The following KALRN variants were observed in gnomAD, a reference collection of about 807,000 sequenced individuals.
KALRN encodes kalirin RhoGEF kinase.
A neutral mutation model predicts 353.7 loss-of-function variants in KALRN; 70 were observed. The ratio of observed to expected loss-of-function variants is 0.20; its 90% CI spans 0.16 to 0.24. KALRN has a LOEUF of 0.24. KALRN is among the 10% of genes least tolerant of loss of function. KALRN has a pLI of 1.00. For synonymous variants in KALRN, 1,391 were observed against 1,434.8 expected, an observed-to-expected ratio of 0.97 and a Z score of 0.69; for missense variants, 2,791 against 3,756.7, an observed-to-expected ratio of 0.74 and a Z score of 6.72.
intron 33 of KALRN, chr3:124,518,886 A>G (rs1238530556): frequency 6.9e-6 from 7 of 1,020,458 alleles, no homozygotes; most frequent in Non-Finnish European, 8.2e-6. Context: ...TCCAGGCTGA[A>G]CATTTCTATT....
chr3:124,584,866 G>T (rs1302281946), intron 34 of KALRN: 1 of 1,607,462 alleles, frequency 6.2e-7, no homozygotes, highest in Non-Finnish European at 8.5e-7. Flanking sequence ...CCTCTTTGGG[G>T]TGGCTCTTTG....
intron 34 of KALRN, among the ~76,000 whole-genome samples, chr3:124,574,796 C>T (rs980279218): frequency 6.6e-6 from 1 of 152,172 alleles, no homozygotes; most frequent in Non-Finnish European, 1.5e-5. Context: ...ATGGTCTGGA[C>T]AATCTTGGGA....
intron 3 of KALRN, among the ~76,000 whole-genome samples, chr3:124,249,349 T>C (rs1167236261): frequency 6.6e-6 from 1 of 152,158 alleles, no homozygotes; most frequent in African/African-American, 2.4e-5. Context: ...GTCAGTTAAA[T>C]GGACGTAATC....
chr3:124,183,974 AC>A (rs2073923877), intron 1 of KALRN, among the ~76,000 whole-genome samples: 1 of 152,334 alleles, frequency 6.6e-6, no homozygotes, highest in East Asian at 1.9e-4. Context: ...TGCCATAATC[AC>A]CATACATATG....
At chr3:124,434,625 T>C (rs1243155072) in intron 17 of KALRN, 100 bp downstream of exon 17, 2 of 1,027,504 alleles carry the variant, frequency 1.9e-6, no homozygotes, top group Non-Finnish European at 2.9e-6. Context: ...GCGAGAAGCC[T>C]GTCCTTTCAG....
intron 32 of KALRN, among the ~76,000 whole-genome samples, chr3:124,495,957 G>GTGTATATA (rs1377097482): frequency 1.1e-4 from 5 of 44,226 alleles, no homozygotes; most frequent in Non-Finnish European, 1.3e-4. Flanking sequence ...GTGTGTATGT[G>GTGTATATA]TATGTATGTA....
intron 33 of KALRN, among the ~76,000 whole-genome samples, chr3:124,503,456 T>TC (rs902807125): frequency 1.3e-5 from 2 of 151,902 alleles, no homozygotes; most frequent in Admixed American, 6.6e-5. Context: ...AATTTCTTTT[T>TC]TTTTTTTAGC....
intron 58 of KALRN, among the ~76,000 whole-genome samples, chr3:124,714,729 A>G (rs2063051958): frequency 1.3e-5 from 2 of 152,136 alleles, no homozygotes; most frequent in South Asian, 2.1e-4. Flanking sequence ...TTATAGGGGG[A>G]AAAGGGCTGG....
intron 5 of KALRN, among the ~76,000 whole-genome samples, chr3:124,280,760 T>C (rs1215774150): frequency 1.3e-5 from 2 of 152,196 alleles, no homozygotes; most frequent in African/African-American, 4.8e-5. Flanking sequence ...GAGGATGTCT[T>C]CTCACATGTG....
chr3:124,034,015 A>G (rs1306007529), intron 1 of KALRN, among the ~76,000 whole-genome samples: 1 of 150,468 alleles, frequency 6.6e-6, no homozygotes, highest in African/African-American at 2.5e-5. Flanking sequence ...GGGGGCTGGG[A>G]ACTCCGCGCC....
At chr3:124,524,089 A>G (rs2067379374) in intron 33 of KALRN, among the ~76,000 whole-genome samples, 2 of 152,336 alleles carry the variant, frequency 1.3e-5, no homozygotes, top group South Asian at 4.1e-4. Flanking sequence ...CTCAAAGAAC[A>G]TGGCATGTTA....
chr3:124,691,984 C>T (rs1330410790), intron 51 of KALRN, among the ~76,000 whole-genome samples: 2 of 152,172 alleles, frequency 1.3e-5, no homozygotes, highest in African/African-American at 2.4e-5. Context: ...GAAAAGCCTC[C>T]GGGGCAGGAA....
chr3:124,697,139 C>T (rs537546297), intron 54 of KALRN, among the ~76,000 whole-genome samples: 4 of 152,320 alleles, frequency 2.6e-5, no homozygotes, highest in African/African-American at 9.6e-5. Context: ...CTCAAGTGAT[C>T]CTCCTGCCTT....
At chr3:124,086,791 G>T (rs2060850001) in intron 1 of KALRN, among the ~76,000 whole-genome samples, 1 of 151,998 alleles carries the variant, frequency 6.6e-6, no homozygotes, top group African/African-American at 2.4e-5. Context: ...TTTTCCCATA[G>T]GTAACCATCA....
intron 34 of KALRN, among the ~76,000 whole-genome samples, chr3:124,608,433 C>T (rs2077583999): frequency 6.6e-6 from 1 of 152,148 alleles, no homozygotes; most frequent in Non-Finnish European, 1.5e-5. Context: ...TCTGTCTCCT[C>T]AGGAAGAGTA....
At chr3:124,259,551 G>A (rs2072543634) in intron 3 of KALRN, among the ~76,000 whole-genome samples, 1 of 152,142 alleles carries the variant, frequency 6.6e-6, no homozygotes, top group African/African-American at 2.4e-5. Flanking sequence ...TGGGAACTGA[G>A]GCACAGAGGG....
chr3:124,363,408 A>G (rs1191307121), intron 10 of KALRN, among the ~76,000 whole-genome samples: 1 of 152,214 alleles, frequency 6.6e-6, no homozygotes, highest in African/African-American at 2.4e-5. Context: ...CTATATGTAC[A>G]GCTCCCCTAA....
At chr3:124,455,095 T>C (rs2059177528) in intron 21 of KALRN, 82 bp from the exon 22 acceptor site, 1 of 1,502,296 alleles carries the variant, frequency 6.7e-7, no homozygotes, top group African/African-American at 1.4e-5. Context: ...CTATGGCTGC[T>C]CTAAACAGGA....
chr3:124,068,757 G>A (rs1366671171), intron 1 of KALRN, among the ~76,000 whole-genome samples: 3 of 152,076 alleles, frequency 2.0e-5, no homozygotes, highest in Non-Finnish European at 2.9e-5. Flanking sequence ...AAGCACTGGG[G>A]ACATATCAGT....
Sources: allele counts gnomAD v4.1 joint callset (sites outside exome capture counted in the v4.1 genomes callset), GRCh38; gene constraint gnomAD v4.1.1; transcripts MANE v1.5; gene names NCBI Gene and HGNC (gene_info 2026-07-23, HGNC 2026-07-21).